Variants in HOXA11 observed in about 807,000 individuals in gnomAD.
The protein encoded by HOXA11 is homeobox A11.
A neutral mutation model predicts 22.5 loss-of-function variants in HOXA11; 8 were observed. The observed-to-expected ratio is 0.36, with a 90% confidence interval of 0.21 to 0.64. The LOEUF (loss-of-function observed/expected upper bound fraction) is 0.64, where lower values mean the gene tolerates loss of function less well. HOXA11 is among the 30% of genes least tolerant of loss of function. HOXA11 has a pLI of 0.67. For synonymous variants in HOXA11, 211 were observed against 188.4 expected (o/e 1.12, Z -0.98); for missense variants, 388 against 429.0 (o/e 0.90, Z 0.84).
Position 27,182,070 on chromosome 7 carries a change from C to T in HOXA11, c.*726G>A, listed in dbSNP as rs375777673. The T allele has an allele frequency of 8.5e-6, 2 of 234,874 alleles. No homozygotes were observed. The highest frequency in any genetic ancestry group is 1.8e-4 in the South Asian group (1 of 5,684). The allele number at this position is 234,874 out of a possible 1,614,324, so 14.5% of individuals were successfully genotyped here. On this transcript the variant is annotated 3_prime_UTR_variant, in exon 2 of 2. Coordinates refer to ENST00000006015, the MANE Select transcript of HOXA11 (RefSeq NM_005523.6). ...CCTCAGGGAACAGTCCACTCTGTGTCGAGGCTTTGGGCCTGAGTGGCAGGC... is the reference window on the plus strand; with the variant it reads ...CCTCAGGGAACAGTCCACTCTGTGTTGAGGCTTTGGGCCTGAGTGGCAGGC...
chr7:27,184,647 C>T lies in HOXA11; in HGVS notation c.498G>A (p.Glu166=). 1 of 1,600,296 alleles carries T rather than the reference C, an allele frequency of 6.2e-7. No individual in the cohort carries two copies. The highest frequency in any genetic ancestry group is 1.7e-4 in the Middle Eastern group (1 of 5,796). Residue 166 remains glutamate (E), a synonymous_variant, in exon 1 of 2, where the codon GAG becomes GAA. Coordinates refer to ENST00000006015, the MANE Select transcript of HOXA11 (RefSeq NM_005523.6). The part of the protein sequence containing the change: ...SSDYPGDKSA[E]KGPPAATATS... ...TCGCCGTGGCCGCCGGGGGCCCCTTCTCGGCGCTCTTGTCCCCGGGGTAGT... is the reference window on the plus strand; with the variant it reads ...TCGCCGTGGCCGCCGGGGGCCCCTTTTCGGCGCTCTTGTCCCCGGGGTAGT...
chr7:27,183,248 C>A (rs1287797423), intron 1 of HOXA11, among the ~76,000 whole-genome samples: 3 of 152,244 alleles, frequency 2.0e-5, no homozygotes, highest in Non-Finnish European at 4.4e-5. Flanking sequence ...TAAATAGGCC[C>A]CCGGGGAAGC....
chr7:27,182,676 C>A lies in HOXA11; in HGVS notation c.*120G>T. 1 of 751,472 alleles carries A rather than the reference C, an allele frequency of 1.3e-6. No individual in the cohort carries two copies. The highest frequency in any genetic ancestry group is 2.5e-6 in the Non-Finnish European group (1 of 407,920). The allele number at this position is 751,472 out of a possible 1,614,324, so 46.6% of individuals were successfully genotyped here. On this transcript the variant is annotated 3_prime_UTR_variant, in exon 2 of 2. Transcript: ENST00000006015. ...CACCTCCTGTGGGGCTATCTCCATG[C>A]ATCCCTCTCTTGCACACCTCTTTTC...
Position 27,183,037 on chromosome 7 carries a change from G to A in HOXA11, c.710-9C>T. ...GCGGGTGCGTTGGCCACCTGTGGAG[G>A]GAGAAAAGGCATGGGGTGAGCCAGG... On this transcript the variant is annotated splice_polypyrimidine_tract_variant and intron_variant, in intron 1 of 1. Coordinates refer to ENST00000006015, the MANE Select transcript of HOXA11 (RefSeq NM_005523.6). 6.3e-7 allele frequency: 1 copy of A among 1,599,662 alleles called. No individual in the cohort carries two copies.
chr7:27,184,085 C>T (rs1348273997), intron 1 of HOXA11, among the ~76,000 whole-genome samples: 7 of 152,200 alleles, frequency 4.6e-5, no homozygotes, highest in Admixed American at 4.6e-4. Flanking sequence ...CTATCAAAAG[C>T]TCCCGAAGCC....
intron 1 of HOXA11, among the ~76,000 whole-genome samples, chr7:27,183,884 G>A (rs181717175): frequency 2.0e-5 from 3 of 152,080 alleles, no homozygotes; most frequent in East Asian, 3.9e-4. Flanking sequence ...GAGGAAAATG[G>A]CTTCCTTTGG....
chr7:27,183,324 A>T (rs2115461491), intron 1 of HOXA11, among the ~76,000 whole-genome samples: 1 of 152,372 alleles, frequency 6.6e-6, no homozygotes, highest in Admixed American at 6.5e-5. Flanking sequence ...TGCGCTGCCT[A>T]AGCCTCTTTG....
chr7:27,185,043 C>T lies in HOXA11; in HGVS notation c.102G>A (p.Leu34=). 1 of 1,614,048 alleles carries T rather than the reference C, an allele frequency of 6.2e-7. No individual in the cohort carries two copies. The highest frequency in any genetic ancestry group is 8.5e-7 in the Non-Finnish European group (1 of 1,180,006). Residue 34 remains leucine, a synonymous_variant, in exon 1 of 2, where the codon CTG becomes CTA. Coordinates refer to ENST00000006015, the MANE Select transcript of HOXA11 (RefSeq NM_005523.6). ...TTGGGCGCGAAGACGGGGTCTGGGGCAGAAAAGAAGGGAGGCTGGAGAAAT... is the reference window on the plus strand; with the variant it reads ...TTGGGCGCGAAGACGGGGTCTGGGGTAGAAAAGAAGGGAGGCTGGAGAAAT... The part of the protein sequence containing the change: ...GPDFSSLPSF[L]PQTPSSRPMT...
intron 1 of HOXA11, among the ~76,000 whole-genome samples, chr7:27,183,319 T>A (rs1783798886): frequency 6.6e-6 from 1 of 152,252 alleles, no homozygotes; most frequent in African/African-American, 2.4e-5. Flanking sequence ...GAGTTTGCGC[T>A]GCCTAAGCCT....
intron 1 of HOXA11, 90 bp downstream of exon 1, chr7:27,184,346 A>G (rs1783821786): frequency 2.3e-6 from 3 of 1,304,898 alleles, no homozygotes; most frequent in Non-Finnish European, 3.2e-6. Flanking sequence ...TTATATGCTT[A>G]TAAAACAGCA....
intron 1 of HOXA11, 36 bp from the exon 2 acceptor site, chr7:27,183,064 G>A (rs1783795628): frequency 1.4e-6 from 2 of 1,425,356 alleles, no homozygotes; most frequent in Non-Finnish European, 2.0e-6. Context: ...TGAGCCAGGT[G>A]TGGGGGCTGC....
At chr7:27,184,372 G>A (rs1241202418) in intron 1 of HOXA11, 64 bp downstream of exon 1, 8 of 1,484,076 alleles carry the variant, frequency 5.4e-6, no homozygotes. Flanking sequence ...AAATTTAACA[G>A]CGGTGCTGCG....
Position 27,182,631 on chromosome 7 carries a change from TAATC to T in HOXA11, c.*161_*164del. On this transcript the variant is annotated 3_prime_UTR_variant, in exon 2 of 2. Coordinates refer to ENST00000006015, the MANE Select transcript of HOXA11 (RefSeq NM_005523.6). ...TTAGGAATCTTAACCACTGAGATCT[TAATC>T]AAGAGAGTCCCAGACCACCTCCTGT... 1 of 688,502 alleles carries T rather than the reference TAATC, an allele frequency of 1.5e-6. No homozygotes were observed. Among genetic ancestry groups the T allele is most frequent in the Non-Finnish European group, 2.7e-6 (1 of 376,092 alleles). 42.6% of individuals were successfully genotyped at this position (688,502 alleles called of 1,614,324 possible). A position where few individuals can be genotyped will look rare whatever the true frequency, so the allele number is the denominator to read the frequency against.
chr7:27,185,010 G>A lies in HOXA11; in HGVS notation c.135C>T (p.Tyr45=). The change falls in exon 1 of 2, where the codon TAC becomes TAT. Residue 45 remains tyrosine (Y), a synonymous_variant. Coordinates refer to ENST00000006015, the MANE Select transcript of HOXA11 (RefSeq NM_005523.6). The stretch of plus-strand genomic sequence containing the variant: ...CCTGGGGCAGGTTGGAGGAGTAGGA[G>A]TATGTCATTGGGCGCGAAGACGGGG... The part of the protein sequence containing the change: ...PQTPSSRPMT[Y]SYSSNLPQVQ... 2 of 1,614,182 alleles carry A rather than the reference G, an allele frequency of 1.2e-6. No homozygotes were observed. Among genetic ancestry groups the A allele is most frequent in the Non-Finnish European group, 1.7e-6 (2 of 1,180,020 alleles).
Position 27,182,689 on chromosome 7 carries a change from C to T in HOXA11, c.*107G>A, listed in dbSNP as rs1783790568. 1.3e-6 allele frequency: 1 copy of T among 788,986 alleles called. No individual in the cohort carries two copies. The highest frequency in any genetic ancestry group is 2.3e-6 in the Non-Finnish European group (1 of 434,858). 48.9% of individuals were successfully genotyped at this position (788,986 alleles called of 1,614,324 possible). A position where few individuals can be genotyped will look rare whatever the true frequency, so the allele number is the denominator to read the frequency against. On this transcript the variant is annotated 3_prime_UTR_variant, in exon 2 of 2. Transcript: ENST00000006015. Reference sequence around the variant, plus strand: ...GCTATCTCCATGCATCCCTCTCTTGCACACCTCTTTTCAAAAGTCACCATG... The same window carrying T: ...GCTATCTCCATGCATCCCTCTCTTGTACACCTCTTTTCAAAAGTCACCATG...
chr7:27,184,387 A>G (rs1223184412), intron 1 of HOXA11, 49 bp downstream of exon 1: 5 of 1,553,072 alleles, frequency 3.2e-6, no homozygotes, highest in African/African-American at 2.7e-5. Context: ...GCTGCGCTAG[A>G]TTTCCAACTC....
chr7:27,183,747 TAAAAA>T (rs61633228), intron 1 of HOXA11, among the ~76,000 whole-genome samples: 72 of 53,610 alleles, frequency 1.3e-3, no homozygotes, highest in Non-Finnish European at 2.2e-3. Flanking sequence ...GCTCCCCCTT[TAAAAA>T]AAAAAAAAAA....
At position 27,184,491 on chromosome 7, in the gene HOXA11, G is replaced by GCTT. The variant is rs1783824844; in HGVS notation, c.653_654insAAG (p.Glu217_Ser218insArg). 2 of 1,541,422 alleles carry GCTT rather than the reference G, an allele frequency of 1.3e-6. No homozygotes were observed. Among genetic ancestry groups the GCTT allele is most frequent in the East Asian group, 5.1e-5 (2 of 39,448 alleles). On this transcript the variant is annotated inframe_insertion, in exon 1 of 2. Coordinates refer to ENST00000006015, the MANE Select transcript of HOXA11 (RefSeq NM_005523.6). ...CGGAAGACGACTCGGGGCTGCTGCT[G>GCTT]CTCTCGGGGCGCCGCCGCCGCTCTT...
chr7:27,184,972 C>A lies in HOXA11; in HGVS notation c.173G>T (p.Arg58Leu). The change falls in exon 1 of 2, where the codon CGC (arginine) becomes CTC (leucine). Residue 58 changes from arginine to leucine, a missense_variant. Physicochemically the swap from Arg to Leu is moderately radical, Grantham distance 102. Around this residue, in one of 4 missense-constraint regions of HOXA11, gnomAD observed 295 missense variants for 281.1 expected, o/e 1.05. Coordinates refer to ENST00000006015, the MANE Select transcript of HOXA11 (RefSeq NM_005523.6). Reference protein sequence around the residue: ...SSNLPQVQPVREVTFREYAIE... With the variant: ...SSNLPQVQPVLEVTFREYAIE... ...GGCGTACTCTCTGAAGGTCACTTCG[C>A]GCACGGGTTGGACCTGGGGCAGGTT... is the stretch of plus-strand genomic sequence containing the variant. 6.2e-7 allele frequency: 1 copy of A among 1,613,928 alleles called. No individual in the cohort carries two copies. The highest frequency in any genetic ancestry group is 2.2e-5 in the East Asian group (1 of 44,862).
Sources: gnomAD v4.1 joint callset for allele counts (sites outside exome capture counted in the v4.1 genomes callset) on GRCh38, gnomAD v4.1.1 for gene constraint, gnomAD v4.1.1 regional missense constraint, MANE v1.5 for transcripts, NCBI Gene and HGNC (gene_info 2026-07-23, HGNC 2026-07-21) for gene names.